Variants in TTLL11 observed in about 807,000 individuals in gnomAD.
TTLL11 encodes tubulin polyglutamylase TTLL11.
TTLL11 carries 42 observed loss-of-function variants against 51.7 expected under a neutral mutation model. The observed-to-expected ratio is 0.81, with a 90% confidence interval of 0.64 to 1.05. The LOEUF (loss-of-function observed/expected upper bound fraction) is 1.05. TTLL11 is among the 50% of genes least tolerant of loss of function. TTLL11 has a pLI of 0.00. For missense variants in TTLL11, 799 were observed against 940.4 expected (o/e 0.85, Z 1.97); for synonymous variants, 381 against 383.5 (o/e 0.99, Z 0.08).
chr9:121,925,840 T>C (rs1840708859), intron 6 of TTLL11, among the ~76,000 whole-genome samples: 1 of 152,196 alleles, frequency 6.6e-6, no homozygotes, highest in Non-Finnish European at 1.5e-5. Context: ...CCTCACCCTT[T>C]GTTTAAGAAC....
At chr9:121,935,488 T>C (rs1841169284) in intron 6 of TTLL11, among the ~76,000 whole-genome samples, 2 of 152,180 alleles carry the variant, frequency 1.3e-5, no homozygotes, top group Admixed American at 1.3e-4. Flanking sequence ...TTGTCAGGCA[T>C]TTAAAATTTT....
intron 1 of TTLL11, among the ~76,000 whole-genome samples, chr9:122,091,578 A>AGTG (rs1846259646): frequency 6.6e-6 from 1 of 152,194 alleles, no homozygotes; most frequent in Non-Finnish European, 1.5e-5. Flanking sequence ...TGACCACATC[A>AGTG]GTCCTTTCTG....
intron 6 of TTLL11, among the ~76,000 whole-genome samples, chr9:121,961,551 T>C (rs537006366): frequency 2.0e-5 from 3 of 152,238 alleles, no homozygotes; most frequent in Non-Finnish European, 2.9e-5. Flanking sequence ...CTACTCTACA[T>C]TGAAAACCAG....
chr9:121,957,704 C>T (rs1343051719), intron 6 of TTLL11, among the ~76,000 whole-genome samples: 2 of 152,078 alleles, frequency 1.3e-5, no homozygotes, highest in East Asian at 1.9e-4. Context: ...TATCCAGGAC[C>T]CCGAAATTCC....
chr9:121,881,951 A>G (rs998039580), intron 6 of TTLL11, among the ~76,000 whole-genome samples: 7 of 152,200 alleles, frequency 4.6e-5, no homozygotes, highest in Non-Finnish European at 1.0e-4. Flanking sequence ...CTAGCTGGTA[A>G]TCTTTGAAAA....
chr9:122,006,840 G>T (rs769641402), intron 3 of TTLL11, among the ~76,000 whole-genome samples: 1 of 151,798 alleles, frequency 6.6e-6, no homozygotes, highest in Non-Finnish European at 1.5e-5. Context: ...ACAAAAATTA[G>T]CCAGGTGTGG....
chr9:121,956,387 G>T (rs530661177), intron 6 of TTLL11, among the ~76,000 whole-genome samples: 11 of 152,350 alleles, frequency 7.2e-5, no homozygotes, highest in African/African-American at 2.6e-4. Context: ...GGCAGGGAAA[G>T]GAAACATTCC....
At position 121,967,983 on chromosome 9, in the gene TTLL11, A is replaced by AG. The variant is rs1215683612; in HGVS notation, c.1481+6025dup. ...GAAAGCAGACTGTTGGTTGCCGGGA[A>AG]GTGGGGGGAGGGGGAATGGAGAGTG... On this transcript the variant is annotated intron_variant, in intron 6 of 8. Transcript: ENST00000321582. Among the ~76,000 whole-genome samples, 6 of 152,282 alleles carry AG rather than the reference A, an allele frequency of 3.9e-5. No homozygotes were observed. In the South Asian group the frequency reaches 6.2e-4, roughly 16 times the overall value.
At chr9:122,090,389 A>C (rs562250133) in intron 1 of TTLL11, among the ~76,000 whole-genome samples, 48 of 152,156 alleles carry the variant, frequency 3.2e-4, no homozygotes, top group Middle Eastern at 6.8e-3. Context: ...TCATTTCTGA[A>C]GCCCCATCTC....
Position 121,902,499 on chromosome 9 carries a change from A to G in TTLL11, c.1482-31751T>C, listed in dbSNP as rs549937360. ...AAGATGTTTCTCACAGACTGTTTCA[A>G]TTCCCTGTGTCCCACTTTAGGCTTA... On this transcript the variant is annotated intron_variant, in intron 6 of 8. Transcript: ENST00000321582. Among the ~76,000 whole-genome samples, 13 of 152,292 alleles carry G rather than the reference A, an allele frequency of 8.5e-5. No homozygotes were observed. In the East Asian group the frequency reaches 2.3e-3, roughly 27 times the overall value.
At chr9:121,957,896 G>T in intron 6 of TTLL11, among the ~76,000 whole-genome samples, 1 of 152,206 alleles carries the variant, frequency 6.6e-6, no homozygotes, top group Admixed American at 6.5e-5. Flanking sequence ...GTCAGGATTG[G>T]GAAGAGAAGG....
At chr9:121,994,434 G>A (rs1488218429) in intron 3 of TTLL11, among the ~76,000 whole-genome samples, 1 of 152,216 alleles carries the variant, frequency 6.6e-6, no homozygotes, top group Non-Finnish European at 1.5e-5. Flanking sequence ...GTCAGGCACT[G>A]TTCTAAGCAC....
chr9:122,017,170 C>T (rs80156378), intron 3 of TTLL11, among the ~76,000 whole-genome samples: 5,189 of 152,246 alleles, frequency 0.034, 145 homozygotes, highest in South Asian at 0.056. Context: ...CCAGGAACCA[C>T]AAAGCAAAGC....
intron 8 of TTLL11, among the ~76,000 whole-genome samples, chr9:121,856,630 T>G (rs1350140054): frequency 6.6e-6 from 1 of 152,224 alleles, no homozygotes; most frequent in Non-Finnish European, 1.5e-5. Context: ...ACACATTCAC[T>G]AGCTGTTAGT....
At chr9:121,864,126 T>C (rs945876366) in intron 7 of TTLL11, among the ~76,000 whole-genome samples, 6 of 152,186 alleles carry the variant, frequency 3.9e-5, no homozygotes, top group Admixed American at 6.5e-5. Flanking sequence ...AGTCAAGATA[T>C]CAAGACTTTG....
intron 1 of TTLL11, among the ~76,000 whole-genome samples, chr9:122,075,567 C>T (rs72767754): frequency 0.041 from 6,299 of 152,260 alleles, 157 homozygotes; most frequent in African/African-American, 0.067. Flanking sequence ...CCAAAAAGAA[C>T]GCCTTAGGAG....
intron 3 of TTLL11, among the ~76,000 whole-genome samples, chr9:121,990,063 G>C (rs1179815053): frequency 6.6e-6 from 1 of 152,212 alleles, no homozygotes; most frequent in Non-Finnish European, 1.5e-5. Flanking sequence ...ACTTTGAACA[G>C]GTCATATAAC....
chr9:121,926,292 T>C (rs375201226), intron 6 of TTLL11, among the ~76,000 whole-genome samples: 1 of 152,164 alleles, frequency 6.6e-6, no homozygotes, highest in African/African-American at 2.4e-5. Flanking sequence ...GGGCAAAGGA[T>C]TGCCACGCGC....
intron 6 of TTLL11, among the ~76,000 whole-genome samples, chr9:121,918,344 G>A (rs998622262): frequency 2.0e-5 from 3 of 152,162 alleles, no homozygotes; most frequent in African/African-American, 7.2e-5. Flanking sequence ...GTGAAGGTGG[G>A]GAGATTTCGA....
Sources: gnomAD v4.1 joint callset for allele counts (sites outside exome capture counted in the v4.1 genomes callset) on GRCh38, gnomAD v4.1.1 for gene constraint, MANE v1.5 for transcripts, NCBI Gene and HGNC (gene_info 2026-07-23, HGNC 2026-07-21) for gene names.